MME: variants seen among roughly 807,000 people sequenced by gnomAD.
MME encodes the protein membrane metalloendopeptidase.
Under a neutral mutation model 113.2 loss-of-function variants are expected in MME, and 98 were observed. The ratio of observed to expected loss-of-function variants is 0.87; its 90% CI spans 0.74 to 1.02. The LOEUF (loss-of-function observed/expected upper bound fraction) is 1.02. Ranked by LOEUF, MME falls within the 50% of genes least tolerant of loss-of-function variation. The pLI is 0.00. For synonymous variants in MME, 292 were observed against 300.6 expected, an observed-to-expected ratio of 0.97 and a Z score of 0.30; for missense variants, 836 against 896.0, an observed-to-expected ratio of 0.93 and a Z score of 0.86.
intron 12 of MME, 74 bp downstream of exon 12, chr3:155,142,404 C>T: frequency 1.6e-6 from 2 of 1,225,782 alleles, no homozygotes; most frequent in South Asian, 1.2e-5. Context: ...TTACCATGTA[C>T]ACTGCTAGGA....
At chr3:155,081,377 T>G (rs1343015017) in intron 1 of MME, 2 of 152,244 alleles carry the variant, frequency 1.3e-5, no homozygotes, top group Non-Finnish European at 2.9e-5. Context: ...TTTACATTGC[T>G]TTGAAATTAA....
At chr3:155,075,025 C>T (rs1350284088), upstream of MME, among the ~76,000 whole-genome samples, 5 of 151,660 alleles carry the variant, frequency 3.3e-5, no homozygotes, top group Non-Finnish European at 7.4e-5. Context: ...GATTTGTGCA[C>T]TTGACATATC....
chr3:155,086,342 T>C (rs1715723723), intron 3 of MME, among the ~76,000 whole-genome samples: 1 of 152,170 alleles, frequency 6.6e-6, no homozygotes, highest in South Asian at 2.1e-4. Context: ...TGTGGATGTG[T>C]TTGGTCTAAG....
At chr3:155,114,417 TATA>T (rs1388889962) in intron 3 of MME, among the ~76,000 whole-genome samples, 2 of 152,224 alleles carry the variant, frequency 1.3e-5, no homozygotes, top group African/African-American at 2.4e-5. Context: ...CAGCCAGTTT[TATA>T]ATGACAGACT....
intron 1 of MME, among the ~76,000 whole-genome samples, chr3:155,064,000 G>A (rs866684705): frequency 1.1e-4 from 16 of 151,936 alleles, no homozygotes; most frequent in African/African-American, 3.6e-4. Context: ...CATAAGAAGT[G>A]AAAGAGAAGG....
intron 8 of MME, among the ~76,000 whole-genome samples, chr3:155,132,325 C>G (rs1720207399): frequency 6.6e-6 from 1 of 152,084 alleles, no homozygotes; most frequent in Non-Finnish European, 1.5e-5. Context: ...TCTAAAGAGC[C>G]AATTTATAAA....
At position 155,143,528 on chromosome 3, in the gene MME, G is replaced by A. The variant is rs1406543290; in HGVS notation, c.1274G>A (p.Arg425Lys). 6.2e-7 allele frequency: 1 copy of A among 1,612,724 alleles called. No homozygotes were observed. ...VNGNMENAVG[R>K]LYVEAAFAGE... ...GGGAATATGGAAAATGCTGTGGGGA[G>A]GCTTTATGTGGAAGCAGCATTTGCT... The change falls in exon 13 of 23, where the codon AGG becomes AAG. Residue 425 changes from arginine (R) to lysine (K), a missense_variant. Transcript: ENST00000360490.
intron 3 of MME, among the ~76,000 whole-genome samples, chr3:155,098,648 C>G (rs1366856247): frequency 1.3e-5 from 2 of 151,158 alleles, no homozygotes; most frequent in African/African-American, 4.9e-5. Flanking sequence ...AACAAACAAA[C>G]AAAAAACACT....
chr3:155,133,293 A>G (rs1720318571), intron 8 of MME, among the ~76,000 whole-genome samples: 1 of 151,590 alleles, frequency 6.6e-6, no homozygotes, highest in Non-Finnish European at 1.5e-5. Flanking sequence ...AATCAGTTAC[A>G]TTGGAGTAGT....
upstream of MME, among the ~76,000 whole-genome samples, chr3:155,075,960 C>A (rs184717188): frequency 1.3e-5 from 2 of 152,142 alleles, no homozygotes; most frequent in African/African-American, 2.4e-5. Context: ...TATGTTGTTA[C>A]TATATTCTTT....
At chr3:155,168,366 C>G (rs1042439779) in intron 18 of MME, 126 bp from the exon 19 acceptor site, 8 of 871,072 alleles carry the variant, frequency 9.2e-6, no homozygotes, top group Admixed American at 2.0e-5. Flanking sequence ...GACAGTCTCT[C>G]TCATCGTCTG....
chr3:155,138,052 A>G (rs951383903), intron 8 of MME, 50 bp from the exon 9 acceptor site: 1 of 1,597,190 alleles, frequency 6.3e-7, no homozygotes, highest in Non-Finnish European at 8.6e-7. Context: ...AAGTACCATG[A>G]TGAATATTTA....
intron 3 of MME, among the ~76,000 whole-genome samples, chr3:155,109,375 G>A (rs948059040): frequency 1.3e-5 from 2 of 152,118 alleles, no homozygotes; most frequent in Admixed American, 1.3e-4. Context: ...AGGCTGTGGA[G>A]GCTAAAGTCA....
intron 1 of MME, among the ~76,000 whole-genome samples, chr3:155,082,324 A>G (rs764106179): frequency 6.6e-6 from 1 of 152,234 alleles, no homozygotes; most frequent in Non-Finnish European, 1.5e-5. Context: ...TGCGGGGGGA[A>G]CAATATTCAG....
At position 155,138,198 on chromosome 3, in the gene MME, A is replaced by G. The variant is rs554131206; in HGVS notation, c.817A>G (p.Met273Val). 2.0e-5 allele frequency: 32 copies of G among 1,613,748 alleles called. 1 individual carries two copies. The South Asian group carries it at 3.1e-4, about 16-fold the overall frequency. ...CGATGAAAACCAGCTTGCTTTGGAA[A>G]TGAATAAAGTTATGGAATTGGAAAA... Reference protein sequence around the residue: ...PIDENQLALEMNKVMELEKEI... With the variant: ...PIDENQLALEVNKVMELEKEI... Residue 273 changes from methionine to valine, a missense_variant, in exon 9 of 23, where the codon ATG becomes GTG. Transcript: ENST00000360490.
rs145446046 is a variant in MME at position 155,062,774 on chromosome 3, A to T, written c.-10-21384A>T. On this transcript the variant is annotated intron_variant, in intron 1 of 22. Coordinates refer to the MME transcript ENST00000492661. ...GGAAACTTTAAAAAGGAAAGAATTG[A>T]CTGGGCGCAGTGGCTCACACCTGTT... Among the ~76,000 whole-genome samples the T allele has an allele frequency of 7.5e-3, 1,135 of 152,142 alleles. 16 individuals are homozygous for T. Among genetic ancestry groups the T allele is most frequent in the South Asian group, 0.033 (161 of 4,828 alleles).
intron 17 of MME, among the ~76,000 whole-genome samples, chr3:155,164,364 T>C (rs1722938795): frequency 6.6e-6 from 1 of 152,052 alleles, no homozygotes; most frequent in African/African-American, 2.4e-5. Context: ...TTGTTGACAA[T>C]CATGAACATA....
chr3:155,149,568 G>T (rs1003094056), intron 16 of MME, among the ~76,000 whole-genome samples: 1 of 152,016 alleles, frequency 6.6e-6, no homozygotes, highest in Non-Finnish European at 1.5e-5. Context: ...GTGTCATTGG[G>T]TACTGGGAGA....
In MME at chr3:155,085,067, T is replaced by G. The variant is rs1263503809; in HGVS notation, c.169T>G (p.Cys57Gly). 1 of 1,589,406 alleles carries G rather than the reference T, an allele frequency of 6.3e-7. No individual in the cohort carries two copies. Among genetic ancestry groups the G allele is most frequent in the East Asian group, 2.3e-5 (1 of 44,424 alleles). ...ALYATYDDGI[C>G]KSSDCIKSAA... ...TTCTCTCCTTTTTCTAGATGGTATT[T>G]GCAAGTCATCAGACTGCATAAAATC... The change falls in exon 3 of 23, where the codon TGC becomes GGC. Residue 57 changes from cysteine to glycine, a missense_variant. Physicochemically the swap from Cys to Gly is radical, Grantham distance 159. Coordinates refer to ENST00000360490, the MANE Select transcript of MME (RefSeq NM_007289.4).
Sources: allele counts gnomAD v4.1 joint callset (sites outside exome capture counted in the v4.1 genomes callset), GRCh38; gene constraint gnomAD v4.1.1; transcripts MANE v1.5; gene names NCBI Gene and HGNC (gene_info 2026-07-23, HGNC 2026-07-21).